The following RFC2 variants were observed in gnomAD, a reference collection of about 807,000 sequenced individuals.
RFC2 encodes A1 40 kDa subunit.
RFC2 carries 34 observed loss-of-function variants against 44.8 expected under a neutral mutation model. The observed-to-expected ratio is 0.76, with a 90% confidence interval of 0.58 to 1.01. The LOEUF is 1.01. RFC2 is among the 50% of genes least tolerant of loss of function. RFC2 has a pLI of 0.00. For synonymous variants in RFC2, 177 were observed against 168.9 expected, an observed-to-expected ratio of 1.05 and a Z score of -0.37; for missense variants, 400 against 453.6, an observed-to-expected ratio of 0.88 and a Z score of 1.07.
At chr7:74,239,363 G>A (rs1419021767) in intron 7 of RFC2, among the ~76,000 whole-genome samples, 2 of 151,358 alleles carry the variant, frequency 1.3e-5, no homozygotes, top group South Asian at 2.1e-4. Context: ...ACAGAGTCTC[G>A]CTCTGTCGCC....
intron 6 of RFC2, 30 bp from the exon 7 acceptor site, chr7:74,240,125 T>C (rs782658071): frequency 2.2e-5 from 35 of 1,601,390 alleles, no homozygotes; most frequent in Non-Finnish European, 2.9e-5. Flanking sequence ...TAGTGAGGCT[T>C]CCCTGCAGAG....
At chr7:74,245,444 G>A (rs536596344) in intron 5 of RFC2, among the ~76,000 whole-genome samples, 13 of 151,820 alleles carry the variant, frequency 8.6e-5, no homozygotes, top group Non-Finnish European at 1.2e-4. Flanking sequence ...CGGGCGCAGT[G>A]GCTCACACCT....
At chr7:74,232,393 G>A (rs1390391478) in intron 10 of RFC2, among the ~76,000 whole-genome samples, 177 bp from the exon 11 acceptor site, 2 of 131,412 alleles carry the variant, frequency 1.5e-5, no homozygotes, top group Non-Finnish European at 3.1e-5. Flanking sequence ...AATGGATTAT[G>A]TTTACCTAAA....
chr7:74,246,585 C>A, intron 5 of RFC2, 77 bp downstream of exon 5: 1 of 950,368 alleles, frequency 1.1e-6, no homozygotes, highest in South Asian at 1.5e-5. Flanking sequence ...CATAAAAGTG[C>A]TTTTTATCCT....
chr7:74,235,544 C>T lies in RFC2; in HGVS notation c.942G>A (p.Leu314=), dbSNP rs782338905. The change falls in exon 10 of 11, where the codon CTG becomes CTA. Residue 314 remains leucine, a synonymous_variant. Coordinates refer to ENST00000055077, the MANE Select transcript of RFC2 (RefSeq NM_181471.3). ...CATTCTCACCGACCTTGATAAACTC[C>T]AGTTTCAGGTATTCTGCCATTTGGA... The part of the protein sequence containing the change: ...KTFQMAEYLK[L]EFIKEIGYTH... The T allele has an allele frequency of 3.8e-6, 6 of 1,598,272 alleles. No homozygotes were observed. The highest frequency in any genetic ancestry group is 5.1e-6 in the Non-Finnish European group (6 of 1,165,652).
chr7:74,237,228 C>G (rs1475922045), intron 9 of RFC2, 134 bp downstream of exon 9: 3 of 612,996 alleles, frequency 4.9e-6, no homozygotes, highest in Non-Finnish European at 9.1e-6. Flanking sequence ...ATCCTCCTGC[C>G]TCAGTCTCCC....
intron 9 of RFC2, 25 bp downstream of exon 9, chr7:74,237,337 C>G: frequency 6.4e-7 from 1 of 1,572,630 alleles, no homozygotes; most frequent in East Asian, 2.3e-5. Flanking sequence ...GGTTCCTCTG[C>G]CAGGACGGGG....
At chr7:74,236,008 A>G (rs1802995849) in intron 9 of RFC2, among the ~76,000 whole-genome samples, 1 of 152,172 alleles carries the variant, frequency 6.6e-6, no homozygotes, top group Admixed American at 6.5e-5. Context: ...TACCACACCC[A>G]TGTAATCTCT....
intron 10 of RFC2, among the ~76,000 whole-genome samples, chr7:74,233,432 T>A (rs1285115707): frequency 5.3e-5 from 8 of 152,002 alleles, no homozygotes; most frequent in African/African-American, 1.7e-4. Context: ...GTAAAAATTT[T>A]AAAAAATGGG....
chr7:74,237,213 A>G (rs1803069747), intron 9 of RFC2, 149 bp downstream of exon 9: 1 of 594,192 alleles, frequency 1.7e-6, no homozygotes, highest in Middle Eastern at 2.6e-4. Flanking sequence ...TCCAAGGCTC[A>G]ACAAATCCTC....
chr7:74,240,861 A>G (rs1803298111), intron 6 of RFC2, among the ~76,000 whole-genome samples: 1 of 152,124 alleles, frequency 6.6e-6, no homozygotes, highest in Admixed American at 6.6e-5. Flanking sequence ...CCTGGCCTCA[A>G]GTAGTCTTCC....
Position 74,249,103 on chromosome 7 carries a change from C to T in RFC2, c.241G>A (p.Gly81Ser), listed in dbSNP as rs371077703. The change falls in exon 4 of 11, where the codon GGC becomes AGC. Residue 81 changes from glycine (G) to serine (S), a missense_variant. Gly to Ser is a moderately conservative substitution (Grantham distance 56). Transcript: ENST00000055077. ...NIIIAGPPGT[G>S]KTTSILCLAR... ...AAGCACAGAATGCTTGTGGTCTTGC[C>T]GGTTCCTGGAGGGCCCTGGGAATGA... 28 of 1,613,840 alleles carry T rather than the reference C, an allele frequency of 1.7e-5. No homozygotes were observed. The highest frequency in any genetic ancestry group is 1.3e-4 in the Admixed American group (8 of 59,978).
chr7:74,251,857 G>A (rs1175313581), intron 2 of RFC2, among the ~76,000 whole-genome samples: 2 of 146,910 alleles, frequency 1.4e-5, no homozygotes, highest in Non-Finnish European at 1.5e-5. Context: ...CAGCACTTTG[G>A]GAGGCCGAGG....
intron 10 of RFC2, among the ~76,000 whole-genome samples, chr7:74,233,598 T>G (rs1802846100): frequency 6.8e-6 from 1 of 147,520 alleles, no homozygotes; most frequent in Non-Finnish European, 1.5e-5. Context: ...GTTATTGGTT[T>G]TTTTTTTTTT....
chr7:74,238,802 C>A lies in RFC2; in HGVS notation c.759+121G>T. The A allele has an allele frequency of 1.3e-6, 1 of 756,010 alleles. No individual in the cohort carries two copies. Among genetic ancestry groups the A allele is most frequent in the East Asian group, 2.6e-5 (1 of 38,698 alleles). 46.8% of individuals were successfully genotyped at this position (756,010 alleles called of 1,614,324 possible). On this transcript the variant is annotated intron_variant, in intron 8 of 10. Coordinates refer to ENST00000055077, the MANE Select transcript of RFC2 (RefSeq NM_181471.3). This position sits in a 1 kb window ranked among gnomAD's most constrained non-coding sequence, Gnocchi z 4.0. ...GACAGACGGGAGCAGGGTGGGCTCC[C>A]TGGCACCCACAAGAGCAGCTAGATG...
intron 10 of RFC2, among the ~76,000 whole-genome samples, chr7:74,232,757 C>A (rs369292621): frequency 1.3e-5 from 2 of 152,090 alleles, no homozygotes; most frequent in Non-Finnish European, 2.9e-5. Context: ...CCCAGCTACT[C>A]GGGAGGCTGA....
In RFC2 at chr7:74,238,827, G is replaced by C. The variant is rs1258136695; in HGVS notation, c.759+96C>G. ...CTGGCACCCACAAGAGCAGCTAGATGTCCGTCCCCACTGCCAGCCCAGCCC... is the reference window on the plus strand; with the variant it reads ...CTGGCACCCACAAGAGCAGCTAGATCTCCGTCCCCACTGCCAGCCCAGCCC... On this transcript the variant is annotated intron_variant, in intron 8 of 10. Coordinates refer to ENST00000055077, the MANE Select transcript of RFC2 (RefSeq NM_181471.3). This position sits in a 1 kb window ranked among gnomAD's most constrained non-coding sequence, Gnocchi z 4.0. 1 of 946,926 alleles carries C rather than the reference G, an allele frequency of 1.1e-6. No homozygotes were observed. The highest frequency in any genetic ancestry group is 1.7e-6 in the Non-Finnish European group (1 of 586,626). The allele number at this position is 946,926 out of a possible 1,614,324, so 58.7% of individuals were successfully genotyped here. A position where few individuals can be genotyped will look rare whatever the true frequency, so the allele number is the denominator to read the frequency against.
chr7:74,245,351 T>G (rs1803535834), intron 5 of RFC2, among the ~76,000 whole-genome samples: 1 of 151,952 alleles, frequency 6.6e-6, no homozygotes, highest in Non-Finnish European at 1.5e-5. Flanking sequence ...ACCGAAGTGT[T>G]GTGATGGTTG....
chr7:74,244,633 T>C (rs1160025480), intron 5 of RFC2, among the ~76,000 whole-genome samples: 1 of 150,846 alleles, frequency 6.6e-6, no homozygotes, highest in Non-Finnish European at 1.5e-5. Flanking sequence ...CCTCCCAAAG[T>C]GCTGGGATTA....
Sources: gnomAD v4.1 joint callset for allele counts (sites outside exome capture counted in the v4.1 genomes callset) on GRCh38, gnomAD v4.1.1 for gene constraint, Gnocchi (gnomAD v3.1) non-coding constraint, MANE v1.5 for transcripts, NCBI Gene and HGNC (gene_info 2026-07-23, HGNC 2026-07-21) for gene names.